Variants in FBXL16 observed in about 807,000 individuals in gnomAD.
The protein encoded by FBXL16 is F-box/LRR-repeat protein 16.
In FBXL16, 7 loss-of-function variants were observed where a neutral mutation model predicts 36.7. The observed-to-expected ratio is 0.19, with a 90% CI of 0.11 to 0.36. FBXL16 has a LOEUF of 0.36. Ranked by LOEUF, FBXL16 falls within the 10% of genes least tolerant of loss-of-function variation. The pLI, the probability that FBXL16 is intolerant of heterozygous loss-of-function variation, is 1.00. For missense variants in FBXL16, 463 were observed against 659.4 expected, an observed-to-expected ratio of 0.70 and a Z score of 3.26; for synonymous variants, 355 against 308.7, an observed-to-expected ratio of 1.15 and a Z score of -1.57.
At position 697,144 on chromosome 16, in the gene FBXL16, G is replaced by C. The variant is rs765061268; in HGVS notation, c.262C>G (p.His88Asp). The C allele has an allele frequency of 6.3e-7, 1 of 1,598,508 alleles. No individual in the cohort carries two copies. The highest frequency in any genetic ancestry group is 1.1e-5 in the South Asian group (1 of 89,316). Residue 88 changes from histidine to aspartate, a missense_variant, in exon 2 of 6, where the codon CAC (histidine) becomes GAC (aspartate). Coordinates refer to ENST00000397621, the MANE Select transcript of FBXL16 (RefSeq NM_153350.4). This position sits in a 1 kb window ranked among gnomAD's most constrained non-coding sequence, Gnocchi z 4.6. ...GCCAGCGGCGGCCGCTCCGCTGGGT[G>C]CCCAGGTGCCAAGGCTGAGGCTGGT... ...GGPASALAPG[H>D]PAERPPLATD... is the part of the protein sequence containing the mutation.
intron 1 of FBXL16, among the ~76,000 whole-genome samples, chr16:698,120 C>T (rs547413185): frequency 1.3e-5 from 2 of 152,242 alleles, no homozygotes; most frequent in South Asian, 2.1e-4. Flanking sequence ...TCTCCTGCCT[C>T]AGCCTCCCGT....
chr16:702,219 A>G (rs2040062700), intron 1 of FBXL16, among the ~76,000 whole-genome samples: 1 of 152,066 alleles, frequency 6.6e-6, no homozygotes, highest in Non-Finnish European at 1.5e-5. Context: ...GCCACAGCCC[A>G]GCCATGCCAT....
In FBXL16 at chr16:695,762, C is replaced by G; in HGVS notation, c.795G>C (p.Gln265His). ...VADDAIAAIS[Q>H]LLPNLAELSL... ...TCAGCTCCGCCAGGTTGGGCAGCAG[C>G]TGCGAGATGGCCGCGATGGCGTCGT... The change falls in exon 3 of 6, where the codon CAG becomes CAC. Residue 265 changes from glutamine (Q) to histidine (H), a missense_variant. By Grantham distance (24) the Gln-to-His change is conservative. Coordinates refer to ENST00000397621, the MANE Select transcript of FBXL16 (RefSeq NM_153350.4). 6.2e-7 allele frequency: 1 copy of G among 1,604,604 alleles called. No homozygotes were observed. Among genetic ancestry groups the G allele is most frequent in the Non-Finnish European group, 8.5e-7 (1 of 1,178,172 alleles).
Position 694,083 on chromosome 16 carries a change from C to A in FBXL16, c.*192G>T. 1 of 282,348 alleles carries A rather than the reference C, an allele frequency of 3.5e-6. No homozygotes were observed. Among genetic ancestry groups the A allele is most frequent in the Non-Finnish European group, 6.6e-6 (1 of 152,100 alleles). The allele number at this position is 282,348 out of a possible 1,614,324, so 17.5% of individuals were successfully genotyped here. On this transcript the variant is annotated 3_prime_UTR_variant, in exon 6 of 6. Transcript: ENST00000397621. ...CGGGCCCACCCGCCGCCCCCCTGCC[C>A]GGGGCGGGGCTGGGAGGGCGGAGGG... is the stretch of plus-strand genomic sequence containing the variant.
intron 1 of FBXL16, among the ~76,000 whole-genome samples, chr16:699,253 G>C (rs1277908265): frequency 6.6e-6 from 1 of 152,258 alleles, no homozygotes; most frequent in Non-Finnish European, 1.5e-5. Flanking sequence ...CCACGCACAG[G>C]GTGGAGTGGG....
Position 693,251 on chromosome 16 carries a change from T to G in FBXL16, c.*1024A>C, listed in dbSNP as rs1443256385. On this transcript the variant is annotated 3_prime_UTR_variant, in exon 6 of 6. Coordinates refer to ENST00000397621, the MANE Select transcript of FBXL16 (RefSeq NM_153350.4). ...TAGGGTGTGCTGGCCACTGGAAGAT[T>G]GGAGTCGCTGACCCAGTGCTGACCC... 1 of 152,230 alleles carries G rather than the reference T, an allele frequency of 6.6e-6. No individual in the cohort carries two copies. Among genetic ancestry groups the G allele is most frequent in the African/African-American group, 2.4e-5 (1 of 41,416 alleles). 9.4% of individuals were successfully genotyped at this position (152,230 alleles called of 1,614,324 possible). A position where few individuals can be genotyped will look rare whatever the true frequency, so the allele number is the denominator to read the frequency against.
intron 1 of FBXL16, among the ~76,000 whole-genome samples, chr16:701,639 C>T (rs764857085): frequency 2.0e-4 from 30 of 151,912 alleles, no homozygotes; most frequent in Non-Finnish European, 3.4e-4. Context: ...CACCAAGGAG[C>T]CGGTTCCCAT....
At chr16:700,145 G>A (rs886481692) in intron 1 of FBXL16, among the ~76,000 whole-genome samples, 1 of 152,192 alleles carries the variant, frequency 6.6e-6, no homozygotes, top group African/African-American at 2.4e-5. Context: ...CCTTGCCACC[G>A]GTCCACATCT....
At chr16:696,047 G>T in intron 2 of FBXL16, 124 bp from the exon 3 acceptor site, 1 of 1,372,634 alleles carries the variant, frequency 7.3e-7, no homozygotes, top group Non-Finnish European at 9.6e-7. Flanking sequence ...GTGTGAGGAG[G>T]CGGGGCATCG....
In FBXL16 at chr16:694,365, C is replaced by T. The variant is rs776480087; in HGVS notation, c.1350G>A (p.Glu450=). 84 of 1,538,510 alleles carry T rather than the reference C, an allele frequency of 5.5e-5. No individual in the cohort carries two copies. The highest frequency in any genetic ancestry group is 6.5e-5 in the Non-Finnish European group (75 of 1,152,464). Residue 450 remains glutamate, a synonymous_variant, in exon 6 of 6, where the codon GAG becomes GAA. Transcript: ENST00000397621. ...LSGLVQLQEL[E]ELELTNCPGA... Reference sequence around the variant, plus strand: ...CGGGGCAGTTGGTCAGCTCCAGCTCCTCCAGCTCCTGCAGCTGCACCAGGC... The same window carrying T: ...CGGGGCAGTTGGTCAGCTCCAGCTCTTCCAGCTCCTGCAGCTGCACCAGGC...
Position 695,048 on chromosome 16 carries a change from T to G in FBXL16, c.1171A>C (p.Ser391Arg), listed in dbSNP as rs2039999838. 6.3e-7 allele frequency: 1 copy of G among 1,599,536 alleles called. No individual in the cohort carries two copies. Among genetic ancestry groups the G allele is most frequent in the Admixed American group, 1.7e-5 (1 of 58,606 alleles). ...RCVRITDTGL[S>R]YLSTMSSLRS... ...AGGGACGACATGGTGGACAGATAGC[T>G]GAGGCCAGTGTCCGTGATGCGTACA... The change falls in exon 4 of 6, where the codon AGC becomes CGC. Residue 391 changes from serine to arginine, a missense_variant. Physicochemically the swap from Ser to Arg is moderately radical, Grantham distance 110. Transcript: ENST00000397621.
At chr16:695,378 G>T in intron 3 of FBXL16, 37 bp downstream of exon 3, 1 of 1,394,854 alleles carries the variant, frequency 7.2e-7, no homozygotes, top group Admixed American at 2.7e-5. Context: ...AGCCCCGCCC[G>T]GCCCAGCCCC....
At chr16:698,764 A>G (rs1006337615) in intron 1 of FBXL16, among the ~76,000 whole-genome samples, 4 of 151,968 alleles carry the variant, frequency 2.6e-5, no homozygotes, top group African/African-American at 9.7e-5. Flanking sequence ...AAATACAAAA[A>G]TTAGCCGGGC....
rs1175094994 is a variant in FBXL16 at position 695,768 on chromosome 16, G to A, written c.789C>T (p.Ile263=). ...CCGCCAGGTTGGGCAGCAGCTGCGAGATGGCCGCGATGGCGTCGTCGGCCA... is the reference window on the plus strand; with the variant it reads ...CCGCCAGGTTGGGCAGCAGCTGCGAAATGGCCGCGATGGCGTCGTCGGCCA... ...INVADDAIAA[I]SQLLPNLAEL... Residue 263 remains isoleucine (I), a synonymous_variant, in exon 3 of 6, where the codon ATC becomes ATT. Coordinates refer to ENST00000397621, the MANE Select transcript of FBXL16 (RefSeq NM_153350.4). 2 of 1,604,712 alleles carry A rather than the reference G, an allele frequency of 1.2e-6. No homozygotes were observed. Among genetic ancestry groups the A allele is most frequent in the Admixed American group, 3.3e-5 (2 of 59,914 alleles).
At chr16:695,122 C>A in intron 3 of FBXL16, 46 bp from the exon 4 acceptor site, 1 of 1,559,744 alleles carries the variant, frequency 6.4e-7, no homozygotes, top group East Asian at 2.4e-5. Context: ...TCACCTGGCC[C>A]CGGCCATCCC....
At chr16:699,173 G>A (rs2040038249) in intron 1 of FBXL16, among the ~76,000 whole-genome samples, 1 of 152,206 alleles carries the variant, frequency 6.6e-6, no homozygotes, top group Non-Finnish European at 1.5e-5. Context: ...CCAGATAAGT[G>A]GTGAAGCCAA....
In FBXL16 at chr16:705,508, T is replaced by A. The variant is rs1045264185; in HGVS notation, c.-15+4A>T. On this transcript the variant is annotated splice_donor_region_variant and intron_variant, in intron 1 of 5. Transcript: ENST00000397621. The stretch of plus-strand genomic sequence containing the variant: ...CCCGCAGCCCGGCCGCACGCGCACC[T>A]TACCTCGGCCCGGGCTCCTGGCTCA... 4 of 127,806 alleles carry A rather than the reference T, an allele frequency of 3.1e-5. No individual in the cohort carries two copies. Among genetic ancestry groups the A allele is most frequent in the Non-Finnish European group, 6.3e-5 (4 of 63,408 alleles). The allele number at this position is 127,806 out of a possible 1,614,324, so 7.9% of individuals were successfully genotyped here. A position where few individuals can be genotyped will look rare whatever the true frequency, so the allele number is the denominator to read the frequency against.
rs770208349 is a variant in FBXL16 at position 697,027 on chromosome 16, C to T, written c.379G>A (p.Val127Met). Residue 127 changes from valine to methionine, a missense_variant, in exon 2 of 6, where the codon GTG (valine) becomes ATG (methionine). Physicochemically the swap from Val to Met is conservative, Grantham distance 21 (BLOSUM62 1). Transcript: ENST00000397621. The surrounding 1 kb of genome is among the most constrained non-coding windows in gnomAD (Gnocchi z 4.6). ...GCCCAGAACTTGGGCTGGTACAGCACGCGCCGCCAGGCCTTGCACACCTGG... is the reference window on the plus strand; with the variant it reads ...GCCCAGAACTTGGGCTGGTACAGCATGCGCCGCCAGGCCTTGCACACCTGG... ...LAQVCKAWRRVLYQPKFWAGL... is the reference protein window; with the variant it reads ...LAQVCKAWRRMLYQPKFWAGL... 2.5e-6 allele frequency: 4 copies of T among 1,597,974 alleles called. No homozygotes were observed. The highest frequency in any genetic ancestry group is 1.7e-5 in the Admixed American group (1 of 58,140).
chr16:697,051 G>C lies in FBXL16; in HGVS notation c.355C>G (p.Gln119Glu), dbSNP rs1300193878. Reference sequence around the variant, plus strand: ...ACGCGCCGCCAGGCCTTGCACACCTGGGCCAGCACACACTTCTCGCAGGCC... The same window carrying C: ...ACGCGCCGCCAGGCCTTGCACACCTCGGCCAGCACACACTTCTCGCAGGCC... ...FSACEKCVLA[Q>E]VCKAWRRVLY... Residue 119 changes from glutamine to glutamate, a missense_variant, in exon 2 of 6, where the codon CAG becomes GAG. Gln to Glu is a conservative substitution (Grantham distance 29). Coordinates refer to ENST00000397621, the MANE Select transcript of FBXL16 (RefSeq NM_153350.4). The surrounding 1 kb of genome is among the most constrained non-coding windows in gnomAD (Gnocchi z 4.6). 1 of 1,601,744 alleles carries C rather than the reference G, an allele frequency of 6.2e-7. No individual in the cohort carries two copies. Among genetic ancestry groups the C allele is most frequent in the Non-Finnish European group, 8.5e-7 (1 of 1,174,158 alleles).
Sources: allele counts gnomAD v4.1 joint callset (sites outside exome capture counted in the v4.1 genomes callset), GRCh38; gene constraint gnomAD v4.1.1; non-coding constraint Gnocchi (gnomAD v3.1); transcripts MANE v1.5; gene names NCBI Gene and HGNC (gene_info 2026-07-23, HGNC 2026-07-21).